The following DICER1 variants were observed in gnomAD, a reference collection of about 807,000 sequenced individuals.
DICER1 encodes the protein endoribonuclease Dicer.
In DICER1, 43 loss-of-function variants were observed where a neutral mutation model predicts 194.1. The ratio of observed to expected loss-of-function variants is 0.22; its 90% CI spans 0.17 to 0.29. DICER1 has a LOEUF of 0.29. Among genes scored for constraint, DICER1 ranks in the 10% least tolerant of loss-of-function variants. The pLI is 1.00. For missense variants in DICER1, 1,608 were observed against 2,317.0 expected, an observed-to-expected ratio of 0.69 and a Z score of 6.28; for synonymous variants, 832 against 820.5, an observed-to-expected ratio of 1.01 and a Z score of -0.24.
rs949565993 is a variant in DICER1 at position 95,104,253 on chromosome 14, G to T, written c.3270-127C>A. ...TGTACTCCTAAACTTTAGAATAGAA[G>T]CAAGTTTCCAAATTTTTAATTTACA... On this transcript the variant is annotated intron_variant, in intron 20 of 26. Transcript: ENST00000343455. 11 of 787,780 alleles carry T rather than the reference G, an allele frequency of 1.4e-5. No homozygotes were observed. In the African/African-American group the frequency reaches 1.9e-4, roughly 14 times the overall value. 48.8% of individuals were successfully genotyped at this position (787,780 alleles called of 1,614,324 possible). A position where few individuals can be genotyped will look rare whatever the true frequency, so the allele number is the denominator to read the frequency against.
At chr14:95,137,611 A>G (rs759931395) in intron 1 of DICER1, among the ~76,000 whole-genome samples, 2 of 152,168 alleles carry the variant, frequency 1.3e-5, no homozygotes, top group Non-Finnish European at 2.9e-5. Context: ...GGATCAAAGC[A>G]GAAAGCCATC....
Position 95,129,460 on chromosome 14 carries a change from A to C in DICER1, c.734+12T>G, listed in dbSNP as rs775774638. The stretch of plus-strand genomic sequence containing the variant: ...TAATCTCATTAAAGCTGAGTCAATC[A>C]GAAGTGCATACCTGTCTAAGACCAC... On this transcript the variant is annotated intron_variant, in intron 6 of 26. Coordinates refer to ENST00000343455, the MANE Select transcript of DICER1 (RefSeq NM_177438.3). 3.5e-5 allele frequency: 56 copies of C among 1,613,100 alleles called. No individual in the cohort carries two copies. The East Asian group carries it at 1.2e-3, about 35-fold the overall frequency.
intron 1 of DICER1, among the ~76,000 whole-genome samples, chr14:95,152,124 A>G (rs376261605): frequency 2.0e-5 from 3 of 152,242 alleles, no homozygotes; most frequent in African/African-American, 7.2e-5. Flanking sequence ...TTTATGGCAT[A>G]CATTGAGCTG....
At chr14:95,114,228 G>A (rs907709199) in intron 11 of DICER1, among the ~76,000 whole-genome samples, 2 of 152,110 alleles carry the variant, frequency 1.3e-5, no homozygotes, top group Admixed American at 1.3e-4. Context: ...ATCAAGGCTG[G>A]GGCAGTCTAG....
chr14:95,117,371 A>G (rs372702110), intron 9 of DICER1, among the ~76,000 whole-genome samples: 1 of 152,322 alleles, frequency 6.6e-6, no homozygotes, highest in African/African-American at 2.4e-5. Flanking sequence ...CAATCCAATC[A>G]CAGAAAATAA....
At position 95,106,197 on chromosome 14, in the gene DICER1, C is replaced by T. The variant is rs1555370340; in HGVS notation, c.2831G>A (p.Arg944Gln). 3 of 1,613,818 alleles carry T rather than the reference C, an allele frequency of 1.9e-6. No homozygotes were observed. Among genetic ancestry groups the T allele is most frequent in the Non-Finnish European group, 2.5e-6 (3 of 1,179,902 alleles). Residue 944 changes from arginine to glutamine, a missense_variant, in exon 18 of 27, where the codon CGA (arginine) becomes CAA (glutamine). This residue lies in a region of DICER1 where 150 missense variants were observed against 216.0 expected (regional missense o/e 0.69). Coordinates refer to ENST00000343455, the MANE Select transcript of DICER1 (RefSeq NM_177438.3). ...AGTGTACACATCAGCTACATAAAAT[C>T]GATGAGGCTGATCAAAATTGCGATA... The part of the protein sequence containing the change: ...PRYRNFDQPH[R>Q]FYVADVYTDL...
rs1411395826 is a variant in DICER1, at chr14:95,107,901, A to G, written c.2629T>C (p.Cys877Arg). Residue 877 changes from cysteine (C) to arginine (R), a missense_variant, in exon 16 of 27, where the codon TGT (cysteine) becomes CGT (arginine). By Grantham distance (180) the Cys-to-Arg change is radical (BLOSUM62 -3). This residue lies in a region of DICER1 where 150 missense variants were observed against 216.0 expected (regional missense o/e 0.69). Transcript: ENST00000343455. ...FKPTDADSAYCVLPLNVVNDS... is the reference protein window; with the variant it reads ...FKPTDADSAYRVLPLNVVNDS... The stretch of plus-strand genomic sequence containing the variant: ...TTACCAACATTAAGAGGTAGAACAC[A>G]GTATGCTGAATCAGCGTCTGTAGGT... 1 of 1,614,004 alleles carries G rather than the reference A, an allele frequency of 6.2e-7. No homozygotes were observed. Among genetic ancestry groups the G allele is most frequent in the Non-Finnish European group, 8.5e-7 (1 of 1,179,864 alleles).
At chr14:95,147,463 A>T (rs1040407015) in intron 1 of DICER1, among the ~76,000 whole-genome samples, 1 of 152,152 alleles carries the variant, frequency 6.6e-6, no homozygotes, top group Admixed American at 6.5e-5. Context: ...TGAATGAATT[A>T]ATGAGTAAAA....
intron 11 of DICER1, 22 bp from the exon 12 acceptor site, chr14:95,113,246 G>C (rs201015736): frequency 6.2e-6 from 10 of 1,611,072 alleles, no homozygotes; most frequent in Non-Finnish European, 8.5e-6. Context: ...AAGAAATTCT[G>C]AGGCTGAATC....
intron 1 of DICER1, among the ~76,000 whole-genome samples, chr14:95,154,026 A>G (rs182606589): frequency 5.8e-4 from 88 of 152,356 alleles, no homozygotes; most frequent in Non-Finnish European, 1.1e-3. Flanking sequence ...AAAGCACAGC[A>G]AAAGGTAAAC....
chr14:95,100,314 C>T (rs189274302), intron 21 of DICER1, among the ~76,000 whole-genome samples: 2 of 152,158 alleles, frequency 1.3e-5, no homozygotes, highest in Admixed American at 1.3e-4. Flanking sequence ...TAGAAAAGAA[C>T]CCATAGAAAA....
intron 6 of DICER1, 99 bp from the exon 7 acceptor site, chr14:95,126,847 A>C: frequency 5.0e-6 from 3 of 596,136 alleles, no homozygotes; most frequent in Non-Finnish European, 8.4e-6. Context: ...GGGAATAGAT[A>C]CTAAAAAAAA....
intron 24 of DICER1, among the ~76,000 whole-genome samples, chr14:95,091,795 T>C (rs909847601): frequency 5.9e-5 from 9 of 152,232 alleles, no homozygotes; most frequent in Admixed American, 1.3e-4. Context: ...CACGGGTGTA[T>C]GCTGCTTTGG....
At chr14:95,155,234 C>G (rs1459570808) in intron 1 of DICER1, among the ~76,000 whole-genome samples, 1 of 152,130 alleles carries the variant, frequency 6.6e-6, no homozygotes, top group African/African-American at 2.4e-5. Context: ...AACAAGGAGG[C>G]ACTCAATAAC....
chr14:95,151,919 A>G (rs1453508630), intron 1 of DICER1, among the ~76,000 whole-genome samples: 1 of 152,184 alleles, frequency 6.6e-6, no homozygotes, highest in Non-Finnish European at 1.5e-5. Context: ...TTTCCCTTCA[A>G]ACAGGGTCAT....
intron 1 of DICER1, among the ~76,000 whole-genome samples, chr14:95,142,347 G>A (rs1894873703): frequency 6.6e-6 from 1 of 152,132 alleles, no homozygotes; most frequent in South Asian, 2.1e-4. Context: ...AGCCAAATTT[G>A]TGTTTTCTAA....
intron 1 of DICER1, among the ~76,000 whole-genome samples, chr14:95,137,229 A>G (rs1161724939): frequency 1.4e-5 from 2 of 146,556 alleles, no homozygotes; most frequent in Non-Finnish European, 3.0e-5. Context: ...GGGGAAAGGA[A>G]AGGGGAAGAG....
In DICER1 at chr14:95,091,124, A is replaced by G. The variant is rs1165437098; in HGVS notation, c.5528-15T>C. ...AGAAAACTTTTCTGCAATCAAAATG[A>G]AAGAATAATATGAATAATATCTCTG... On this transcript the variant is annotated splice_polypyrimidine_tract_variant and intron_variant, in intron 25 of 26. Coordinates refer to ENST00000343455, the MANE Select transcript of DICER1 (RefSeq NM_177438.3). The G allele has an allele frequency of 2.5e-6, 4 of 1,613,932 alleles. No homozygotes were observed. Among genetic ancestry groups the G allele is most frequent in the Non-Finnish European group, 3.4e-6 (4 of 1,179,912 alleles).
chr14:95,094,399 A>G (rs1167152036), intron 23 of DICER1, among the ~76,000 whole-genome samples: 1 of 152,212 alleles, frequency 6.6e-6, no homozygotes, highest in South Asian at 2.1e-4. Context: ...CAAAAGACTA[A>G]CGCTTGTTAA....
Sources: gnomAD v4.1 joint callset for allele counts (sites outside exome capture counted in the v4.1 genomes callset) on GRCh38, gnomAD v4.1.1 for gene constraint, gnomAD v4.1.1 regional missense constraint, MANE v1.5 for transcripts, NCBI Gene and HGNC (gene_info 2026-07-23, HGNC 2026-07-21) for gene names.